Variants in PTPRT observed in about 807,000 individuals in gnomAD.
PTPRT encodes receptor-type tyrosine-protein phosphatase T.
PTPRT carries 56 observed loss-of-function variants against 176.8 expected under a neutral mutation model. The ratio of observed to expected loss-of-function variants is 0.32; its 90% CI spans 0.26 to 0.40. The LOEUF is 0.40. Among genes scored for constraint, PTPRT ranks in the 10% least tolerant of loss-of-function variants. PTPRT has a pLI of 1.00. For synonymous variants in PTPRT, 783 were observed against 739.0 expected, an observed-to-expected ratio of 1.06 and a Z score of -0.96; for missense variants, 1,540 against 1,908.2, an observed-to-expected ratio of 0.81 and a Z score of 3.60.
chr20:42,092,757 T>C (rs1217541376), intron 27 of PTPRT, among the ~76,000 whole-genome samples: 1 of 152,208 alleles, frequency 6.6e-6, no homozygotes. Flanking sequence ...AGAGGCACAA[T>C]GGCAGCAAGA....
intron 1 of PTPRT, among the ~76,000 whole-genome samples, chr20:43,037,733 T>C (rs1600666099): frequency 1.3e-5 from 2 of 152,272 alleles, no homozygotes; most frequent in South Asian, 2.1e-4. Context: ...ATAACCCTCA[T>C]TGGGTACACC....
chr20:42,945,566 G>A (rs1177209996), intron 1 of PTPRT, among the ~76,000 whole-genome samples: 1 of 152,184 alleles, frequency 6.6e-6, no homozygotes, highest in African/African-American at 2.4e-5. Flanking sequence ...GGCAGGGCTT[G>A]TCCCATCAGG....
intron 13 of PTPRT, among the ~76,000 whole-genome samples, chr20:42,254,524 C>T (rs1444537273): frequency 6.6e-6 from 1 of 152,100 alleles, no homozygotes; most frequent in African/African-American, 2.4e-5. Flanking sequence ...CAGATGAGAC[C>T]TATTTTTTGC....
chr20:43,119,752 T>TG (rs2013189309), intron 1 of PTPRT, among the ~76,000 whole-genome samples: 1 of 152,212 alleles, frequency 6.6e-6, no homozygotes, highest in Non-Finnish European at 1.5e-5. Context: ...CCACTTGTGA[T>TG]GTGTTTAATA....
intron 17 of PTPRT, among the ~76,000 whole-genome samples, chr20:42,155,920 G>A (rs538732768): frequency 1.2e-4 from 18 of 152,214 alleles, no homozygotes; most frequent in African/African-American, 4.3e-4. Flanking sequence ...TGGCTCCAGT[G>A]GCTTCTTGAT....
intron 9 of PTPRT, among the ~76,000 whole-genome samples, chr20:42,367,895 A>G (rs1408703092): frequency 6.6e-6 from 1 of 152,188 alleles, no homozygotes; most frequent in Non-Finnish European, 1.5e-5. Flanking sequence ...CCAGGCTGAG[A>G]CAGACTTCAT....
intron 1 of PTPRT, among the ~76,000 whole-genome samples, chr20:43,102,202 T>C (rs2012416102): frequency 6.6e-6 from 1 of 151,982 alleles, no homozygotes; most frequent in Admixed American, 6.6e-5. Context: ...CCATAGCATA[T>C]GTCTCATGTA....
intron 6 of PTPRT, among the ~76,000 whole-genome samples, chr20:42,713,193 TG>T (rs2076172037): frequency 6.6e-6 from 1 of 151,420 alleles, no homozygotes; most frequent in Non-Finnish European, 1.5e-5. Context: ...AGAGTAACAT[TG>T]GTAATCTCCA....
At chr20:42,855,834 A>G (rs143951197) in intron 2 of PTPRT, among the ~76,000 whole-genome samples, 30 of 152,310 alleles carry the variant, frequency 2.0e-4, no homozygotes, top group African/African-American at 7.2e-4. Context: ...AAGAGAACAA[A>G]TTGGAAAGGT....
intron 1 of PTPRT, among the ~76,000 whole-genome samples, chr20:43,153,793 A>C (rs2014436584): frequency 6.6e-6 from 1 of 152,242 alleles, no homozygotes; most frequent in South Asian, 2.1e-4. Context: ...AGTGGGATTG[A>C]ATTTCCACAG....
intron 15 of PTPRT, among the ~76,000 whole-genome samples, chr20:42,211,132 T>C (rs2055615295): frequency 6.6e-6 from 1 of 152,152 alleles, no homozygotes; most frequent in Non-Finnish European, 1.5e-5. Context: ...TTACACCTTA[T>C]ACAAAAATCA....
At chr20:42,835,202 C>T (rs1473347518) in intron 2 of PTPRT, among the ~76,000 whole-genome samples, 5 of 152,060 alleles carry the variant, frequency 3.3e-5, no homozygotes, top group African/African-American at 7.2e-5. Context: ...AACAATGAAA[C>T]CAATAGATAT....
At chr20:43,079,181 C>CA (rs1428381180) in intron 1 of PTPRT, among the ~76,000 whole-genome samples, 4 of 130,228 alleles carry the variant, frequency 3.1e-5, no homozygotes, top group African/African-American at 1.1e-4. Context: ...TCTCCCTCCC[C>CA]CCCCCCAGCC....
intron 19 of PTPRT, among the ~76,000 whole-genome samples, chr20:42,121,696 T>TA (rs1555872972): frequency 4.2e-4 from 31 of 73,356 alleles, no homozygotes; most frequent in African/African-American, 1.4e-3. Flanking sequence ...AAAGAAATTT[T>TA]TTATATATAT....
At chr20:42,758,470 AG>A (rs1288705369) in intron 5 of PTPRT, among the ~76,000 whole-genome samples, 1 of 152,204 alleles carries the variant, frequency 6.6e-6, no homozygotes, top group Non-Finnish European at 1.5e-5. Context: ...ATCAAAGGGC[AG>A]CTAAGAGAGA....
At chr20:42,330,610 T>A (rs2057952722) in intron 11 of PTPRT, among the ~76,000 whole-genome samples, 1 of 151,908 alleles carries the variant, frequency 6.6e-6, no homozygotes, top group Admixed American at 6.6e-5. Context: ...CAGTGTCTCA[T>A]GCCTGTGATC....
At chr20:42,751,564 G>A (rs190124868) in intron 6 of PTPRT, among the ~76,000 whole-genome samples, 1 of 152,250 alleles carries the variant, frequency 6.6e-6, no homozygotes, top group Non-Finnish European at 1.5e-5. Context: ...CAGCGGACTG[G>A]GAGAGGCAGA....
At chr20:42,810,510 A>T (rs3092007) in intron 2 of PTPRT, among the ~76,000 whole-genome samples, 12,255 of 152,206 alleles carry the variant, frequency 0.081, 606 homozygotes, top group Admixed American at 0.14. Flanking sequence ...CTCCTAGTTC[A>T]TGCAGCGTAA....
chr20:42,270,530 C>T (rs1401709887), intron 13 of PTPRT: 14 of 1,322,656 alleles, frequency 1.1e-5, no homozygotes, highest in African/African-American at 7.3e-5. Flanking sequence ...AAACGTGCAG[C>T]ACGGTGAACA....
Sources: allele counts gnomAD v4.1 joint callset (sites outside exome capture counted in the v4.1 genomes callset), GRCh38; gene constraint gnomAD v4.1.1; transcripts MANE v1.5; gene names NCBI Gene and HGNC (gene_info 2026-07-23, HGNC 2026-07-21).